Variants in LHFPL3 observed in about 807,000 individuals in gnomAD.
LHFPL3 encodes LHFPL tetraspan subfamily member 3, also known as LHFPL tetraspan subfamily member 3 protein.
Under a neutral mutation model 19.3 loss-of-function variants are expected in LHFPL3, and 5 were observed. The observed-to-expected ratio is 0.26, with a 90% confidence interval of 0.14 to 0.54. LHFPL3 has a LOEUF of 0.54. Among genes scored for constraint, LHFPL3 ranks in the 20% least tolerant of loss-of-function variants. LHFPL3 has a pLI of 0.94. For missense variants in LHFPL3, 249 were observed against 307.4 expected (o/e 0.81, Z 1.42); for synonymous variants, 133 against 126.2 (o/e 1.05, Z -0.36).
chr7:104,858,145 C>T (rs974128130), intron 2 of LHFPL3, among the ~76,000 whole-genome samples: 4 of 152,178 alleles, frequency 2.6e-5, no homozygotes, highest in African/African-American at 9.7e-5. Flanking sequence ...CCTAGGGTCT[C>T]AGTTACAAGC....
chr7:104,768,531 A>T (rs1387801678), intron 2 of LHFPL3: 1 of 152,218 alleles, frequency 6.6e-6, no homozygotes, highest in East Asian at 1.9e-4. Context: ...AAGGACCCTT[A>T]GTGTCCCTTT....
intron 2 of LHFPL3, among the ~76,000 whole-genome samples, chr7:104,830,750 T>G (rs1264968781): frequency 6.6e-6 from 1 of 151,878 alleles, no homozygotes; most frequent in Non-Finnish European, 1.5e-5. Context: ...GTAGTATAGT[T>G]TGAAGTCAGG....
intron 1 of LHFPL3, among the ~76,000 whole-genome samples, chr7:104,595,064 T>C (rs1482764632): frequency 6.6e-6 from 1 of 152,216 alleles, no homozygotes; most frequent in Non-Finnish European, 1.5e-5. Flanking sequence ...TCATTCTCCG[T>C]CTAGCTTTGT....
intron 2 of LHFPL3, among the ~76,000 whole-genome samples, chr7:104,809,676 C>A (rs952263729): frequency 6.6e-6 from 1 of 152,000 alleles, no homozygotes; most frequent in African/African-American, 2.4e-5. Context: ...ATATATAGTA[C>A]CAAATGAATG....
intron 1 of LHFPL3, among the ~76,000 whole-genome samples, chr7:104,487,327 T>C (rs10234181): frequency 0.27 from 40,982 of 152,050 alleles, 6,724 homozygotes; most frequent in African/African-American, 0.45. Flanking sequence ...GAAAAATTAG[T>C]AAAAACAAGT....
intron 1 of LHFPL3, among the ~76,000 whole-genome samples, chr7:104,467,878 T>C (rs1792824015): frequency 1.3e-5 from 2 of 152,212 alleles, no homozygotes; most frequent in South Asian, 4.1e-4. Flanking sequence ...TCTAAATTGT[T>C]TTCCATGTCT....
chr7:104,698,248 A>G (rs1793033706), intron 1 of LHFPL3, among the ~76,000 whole-genome samples: 1 of 152,248 alleles, frequency 6.6e-6, no homozygotes, highest in Admixed American at 6.5e-5. Flanking sequence ...CAACAAAACA[A>G]TAGCTTTTAT....
intron 1 of LHFPL3, among the ~76,000 whole-genome samples, chr7:104,670,781 T>C (rs367718376): frequency 6.6e-5 from 10 of 152,198 alleles, no homozygotes; most frequent in African/African-American, 2.2e-4. Flanking sequence ...ATGGGTTTTT[T>C]TCCCCCCAAG....
intron 1 of LHFPL3, among the ~76,000 whole-genome samples, chr7:104,488,218 G>C (rs1232837989): frequency 6.6e-6 from 1 of 152,120 alleles, no homozygotes; most frequent in Admixed American, 6.6e-5. Context: ...AAGTGAACTT[G>C]ATTGCTTTTG....
intron 1 of LHFPL3, among the ~76,000 whole-genome samples, chr7:104,603,437 C>A (rs926353020): frequency 1.3e-5 from 2 of 152,026 alleles, no homozygotes; most frequent in Non-Finnish European, 2.9e-5. Flanking sequence ...CAGCATTGCA[C>A]CCCTGGCCCC....
intron 2 of LHFPL3, among the ~76,000 whole-genome samples, chr7:104,900,850 A>T (rs920113503): frequency 4.6e-5 from 7 of 152,360 alleles, no homozygotes; most frequent in African/African-American, 1.4e-4. Context: ...AGCCCATGAC[A>T]TGTTACAAGG....
chr7:104,503,400 T>A (rs1793638814), intron 1 of LHFPL3, among the ~76,000 whole-genome samples: 1 of 152,148 alleles, frequency 6.6e-6, no homozygotes, highest in Non-Finnish European at 1.5e-5. Flanking sequence ...TATTTTTCTT[T>A]CTGCTCACCT....
At chr7:104,573,612 A>G (rs1319435965) in intron 1 of LHFPL3, among the ~76,000 whole-genome samples, 1 of 152,166 alleles carries the variant, frequency 6.6e-6, no homozygotes, top group Non-Finnish European at 1.5e-5. Context: ...TCACAGCTAC[A>G]TTCACACCTA....
Position 104,351,700 on chromosome 7 carries a change from A to C in LHFPL3, c.445+22476A>C, listed in dbSNP as rs1383151574. The stretch of plus-strand genomic sequence containing the variant: ...ATAGAAAACAAATCCTAAGTGTTTG[A>C]GCGAATTTACAATTTTCAAGGTGGC... On this transcript the variant is annotated intron_variant, in intron 1 of 2. Coordinates refer to ENST00000424859, the MANE Select transcript of LHFPL3 (RefSeq NM_199000.3). 2.6e-5 allele frequency among the ~76,000 whole-genome samples: 4 copies of C among 152,212 alleles called. No homozygotes were observed. In the East Asian group the frequency reaches 5.8e-4, roughly 22 times the overall value.
chr7:104,701,764 C>T (rs1793106892), intron 1 of LHFPL3, among the ~76,000 whole-genome samples: 1 of 152,176 alleles, frequency 6.6e-6, no homozygotes, highest in African/African-American at 2.4e-5. Context: ...TATTTTTACT[C>T]ATCCTACTCA....
intron 1 of LHFPL3, among the ~76,000 whole-genome samples, chr7:104,401,062 G>C (rs1189307575): frequency 2.6e-5 from 4 of 152,172 alleles, no homozygotes; most frequent in African/African-American, 9.7e-5. Context: ...GACCAGTCTG[G>C]GGATAGGCCC....
At chr7:104,599,631 C>T (rs1233396387) in intron 1 of LHFPL3, among the ~76,000 whole-genome samples, 2 of 152,064 alleles carry the variant, frequency 1.3e-5, no homozygotes, top group African/African-American at 4.8e-5. Flanking sequence ...GAGAATGAAC[C>T]ATGTATAGAT....
intron 1 of LHFPL3, among the ~76,000 whole-genome samples, chr7:104,509,360 T>C (rs1434968960): frequency 6.6e-6 from 1 of 151,876 alleles, no homozygotes; most frequent in Non-Finnish European, 1.5e-5. Context: ...ACAAACAGAA[T>C]TGAACGATAT....
At chr7:104,457,577 G>A (rs1033896533) in intron 1 of LHFPL3, among the ~76,000 whole-genome samples, 9 of 149,978 alleles carry the variant, frequency 6.0e-5, no homozygotes, top group Non-Finnish European at 3.0e-5. Flanking sequence ...GTAAACATAC[G>A]TGTGCATGTG....
Sources: allele counts gnomAD v4.1 joint callset (sites outside exome capture counted in the v4.1 genomes callset), GRCh38; gene constraint gnomAD v4.1.1; transcripts MANE v1.5; gene names NCBI Gene and HGNC (gene_info 2026-07-23, HGNC 2026-07-21).